Variants in OCA2 observed in about 807,000 individuals in gnomAD.
The protein encoded by OCA2 is P protein.
Under a neutral mutation model 100.2 loss-of-function variants are expected in OCA2, and 77 were observed. The ratio of observed to expected loss-of-function variants is 0.77; its 90% CI spans 0.64 to 0.93. The LOEUF (loss-of-function observed/expected upper bound fraction) is 0.93. Among genes scored for constraint, OCA2 ranks in the 40% least tolerant of loss-of-function variants. The pLI, the probability that OCA2 is intolerant of heterozygous loss-of-function variation, is 0.00. For synonymous variants in OCA2, 432 were observed against 439.2 expected (o/e 0.98, Z 0.21); for missense variants, 1,062 against 1,089.1 (o/e 0.98, Z 0.35).
rs371525225 is a variant in OCA2, at chr15:27,798,840, T to C, written c.2433-43368A>G. 3.9e-5 allele frequency among the ~76,000 whole-genome samples: 6 copies of C among 152,346 alleles called. No individual in the cohort carries two copies. In the East Asian group the frequency reaches 1.2e-3, roughly 29 times the overall value. ...CGGGTTTTTGGATTTACAAAGCATT[T>C]AACAAAGTTAGGCTAGTAAGTACAG... On this transcript the variant is annotated intron_variant, in intron 23 of 23. Coordinates refer to ENST00000354638, the MANE Select transcript of OCA2 (RefSeq NM_000275.3).
chr15:28,013,426 T>C (rs1262369553), intron 9 of OCA2, among the ~76,000 whole-genome samples: 1 of 152,114 alleles, frequency 6.6e-6, no homozygotes, highest in African/African-American at 2.4e-5. Flanking sequence ...AAGGCTGTCT[T>C]GTGGGCCTGG....
chr15:28,000,468 T>A (rs1438598760), intron 9 of OCA2, among the ~76,000 whole-genome samples: 1 of 152,162 alleles, frequency 6.6e-6, no homozygotes, highest in Non-Finnish European at 1.5e-5. Context: ...GACTTAAAAT[T>A]GATTAAAGAC....
intron 13 of OCA2, 71 bp from the exon 14 acceptor site, chr15:27,983,554 G>T: frequency 6.4e-7 from 1 of 1,550,904 alleles, no homozygotes; most frequent in Non-Finnish European, 8.9e-7. Flanking sequence ...GCAACCCAGA[G>T]ATTTTTAAGG....
chr15:28,000,204 T>C (rs977983880), intron 9 of OCA2, among the ~76,000 whole-genome samples: 5 of 152,132 alleles, frequency 3.3e-5, no homozygotes, highest in Non-Finnish European at 7.4e-5. Flanking sequence ...CTTCCTGATA[T>C]CAAACTATAT....
chr15:27,865,560 C>A (rs1278774819), intron 21 of OCA2, among the ~76,000 whole-genome samples: 3 of 152,194 alleles, frequency 2.0e-5, no homozygotes, highest in African/African-American at 7.2e-5. Flanking sequence ...CATGAATGTT[C>A]TTTGGTCTTC....
At chr15:27,843,387 G>C (rs2151374939) in intron 23 of OCA2, among the ~76,000 whole-genome samples, 1 of 152,202 alleles carries the variant, frequency 6.6e-6, no homozygotes, top group Non-Finnish European at 1.5e-5. Flanking sequence ...CTGACCATAG[G>C]GCAAAGATGA....
chr15:28,019,494 G>C (rs2042521064), intron 6 of OCA2, among the ~76,000 whole-genome samples: 1 of 152,144 alleles, frequency 6.6e-6, no homozygotes, highest in Non-Finnish European at 1.5e-5. Flanking sequence ...TTCTGAAATA[G>C]ACCCTGCAAC....
intron 23 of OCA2, among the ~76,000 whole-genome samples, chr15:27,805,178 G>C (rs931354510): frequency 6.6e-6 from 1 of 152,252 alleles, no homozygotes; most frequent in Non-Finnish European, 1.5e-5. Flanking sequence ...AGAGCGCCCA[G>C]CGCAGGAGCT....
intron 19 of OCA2, among the ~76,000 whole-genome samples, chr15:27,891,023 C>CAAAAAAAAAAAAA (rs578093435): frequency 1.0e-4 from 12 of 118,028 alleles, no homozygotes; most frequent in African/African-American, 3.5e-4. Context: ...GACTCCATCT[C>CAAAAAAAAAAAAA]AAAAAAAAAA....
intron 9 of OCA2, among the ~76,000 whole-genome samples, chr15:28,001,229 A>T (rs2041914458): frequency 6.6e-6 from 1 of 152,168 alleles, no homozygotes; most frequent in Non-Finnish European, 1.5e-5. Context: ...GGATGAATGA[A>T]TAAAGAAAAC....
At chr15:27,946,028 T>C (rs2039821105) in intron 18 of OCA2, among the ~76,000 whole-genome samples, 1 of 152,230 alleles carries the variant, frequency 6.6e-6, no homozygotes, top group South Asian at 2.1e-4. Flanking sequence ...TGAGGTTGTT[T>C]GCAGTCTTTA....
chr15:27,896,507 T>TGCTCAAAAGAAAGATTGAGTA lies in OCA2; in HGVS notation c.2080-24606_2080-24586dup, dbSNP rs547459059. 1,017 of 527,986 alleles carry TGCTCAAAAGAAAGATTGAGTA rather than the reference T, an allele frequency of 1.9e-3. 9 individuals carry two copies. Among genetic ancestry groups the TGCTCAAAAGAAAGATTGAGTA allele is most frequent in the African/African-American group, 0.018 (934 of 52,356 alleles). 32.7% of individuals were successfully genotyped at this position (527,986 alleles called of 1,614,324 possible). A position where few individuals can be genotyped will look rare whatever the true frequency, so the allele number is the denominator to read the frequency against. On this transcript the variant is annotated intron_variant, in intron 19 of 23. Coordinates refer to ENST00000354638, the MANE Select transcript of OCA2 (RefSeq NM_000275.3). ...AGTGGAACTGTCCCAAAATGTCCCT[T>TGCTCAAAAGAAAGATTGAGTA]GCTCAAAAGAAAGATTGAGTAGCTC... is the stretch of plus-strand genomic sequence containing the variant.
downstream of OCA2, among the ~76,000 whole-genome samples, chr15:27,750,985 G>A (rs887083844): frequency 6.6e-6 from 1 of 152,164 alleles, no homozygotes; most frequent in Non-Finnish European, 1.5e-5. Context: ...AGAGAGGTCA[G>A]CCAGGTGCAT....
At chr15:27,744,238 A>C in the OCA2 span, among the ~76,000 whole-genome samples, 1 of 152,100 alleles carries the variant, frequency 6.6e-6, no homozygotes, top group African/African-American at 2.4e-5. Flanking sequence ...GGGCCAGCGG[A>C]GGGGGATGGT....
At position 27,972,685 on chromosome 15, in the gene OCA2, C is replaced by CTT. The variant is rs564838311; in HGVS notation, c.1504-5865_1504-5864dup. Among the ~76,000 whole-genome samples, 21 of 151,522 alleles carry CTT rather than the reference C, an allele frequency of 1.4e-4. No homozygotes were observed. In the East Asian group the frequency reaches 3.9e-3, roughly 28 times the overall value. ...AATGTCTACTCATGTCATTTGCCTA[C>CTT]TTTTTATTGGGATTATTTTTTTTTT... On this transcript the variant is annotated intron_variant, in intron 14 of 23. Coordinates refer to ENST00000354638, the MANE Select transcript of OCA2 (RefSeq NM_000275.3).
chr15:27,786,343 C>G (rs2032814595), intron 23 of OCA2, among the ~76,000 whole-genome samples: 1 of 152,160 alleles, frequency 6.6e-6, no homozygotes, highest in Non-Finnish European at 1.5e-5. Flanking sequence ...TTGATAGGAA[C>G]TGCACTGACT....
intron 23 of OCA2, among the ~76,000 whole-genome samples, chr15:27,841,924 G>A (rs1206325568): frequency 3.3e-5 from 5 of 152,246 alleles, no homozygotes; most frequent in Non-Finnish European, 7.3e-5. Context: ...AAAATGCGTG[G>A]AGAGCAACAT....
At chr15:27,874,037 AT>A (rs1021071966) in intron 19 of OCA2, among the ~76,000 whole-genome samples, 1 of 152,226 alleles carries the variant, frequency 6.6e-6, no homozygotes, top group African/African-American at 2.4e-5. Flanking sequence ...TGATTCAGCA[AT>A]GACCTGACAT....
At chr15:27,736,118 AAAAAT>A in the OCA2 span, among the ~76,000 whole-genome samples, 741 of 152,348 alleles carry the variant, frequency 4.9e-3, 2 homozygotes, top group Middle Eastern at 0.031. Context: ...CTGCTAATTA[AAAAAT>A]AAAATAATAA....
Sources: allele counts gnomAD v4.1 joint callset (sites outside exome capture counted in the v4.1 genomes callset), GRCh38; gene constraint gnomAD v4.1.1; transcripts MANE v1.5; gene names NCBI Gene and HGNC (gene_info 2026-07-23, HGNC 2026-07-21).